RAB6A: variants seen among roughly 807,000 people sequenced by gnomAD.
The protein encoded by RAB6A is RAB6A, member RAS oncogene family, also known as ras-related protein Rab-6A.
A neutral mutation model predicts 32.3 loss-of-function variants in RAB6A; 8 were observed. That is an observed-to-expected ratio of 0.25 (90% CI 0.15 to 0.45). The LOEUF is 0.45. Among genes scored for constraint, RAB6A ranks in the 20% least tolerant of loss-of-function variants. The pLI is 1.00. For missense variants in RAB6A, 104 were observed against 249.4 expected (o/e 0.42, Z 3.93); for synonymous variants, 73 against 82.1 (o/e 0.89, Z 0.60).
At chr11:73,710,070 C>T (rs180954836) in intron 5 of RAB6A, among the ~76,000 whole-genome samples, 28 of 149,338 alleles carry the variant, frequency 1.9e-4, no homozygotes, top group African/African-American at 6.3e-4. Flanking sequence ...GCCATTCTCC[C>T]GCCTCAACCT....
intron 1 of RAB6A, among the ~76,000 whole-genome samples, chr11:73,733,425 T>C (rs1377306361): frequency 6.6e-6 from 1 of 151,914 alleles, no homozygotes; most frequent in Non-Finnish European, 1.5e-5. Context: ...GATGCGCGCC[T>C]GTAATCCCAG....
At chr11:73,716,886 C>G (rs897087884) in intron 4 of RAB6A, among the ~76,000 whole-genome samples, 1 of 152,198 alleles carries the variant, frequency 6.6e-6, no homozygotes, top group Admixed American at 6.5e-5. Flanking sequence ...TTTAATGCAT[C>G]AGAAACACTT....
intron 6 of RAB6A, among the ~76,000 whole-genome samples, chr11:73,698,865 T>TTTTTGAGA (rs1945697358): frequency 6.7e-6 from 1 of 150,280 alleles, no homozygotes. Flanking sequence ...TTTTTTTTTT[T>TTTTTGAGA]TTTTGAGATG....
chr11:73,730,957 C>A (rs1405042274), intron 1 of RAB6A, 134 bp from the exon 2 acceptor site: 2 of 625,016 alleles, frequency 3.2e-6, no homozygotes, highest in Non-Finnish European at 5.6e-6. Flanking sequence ...AATTAAAACC[C>A]ATATAGCCCC....
chr11:73,681,753 G>A (rs530812121), intron 6 of RAB6A, among the ~76,000 whole-genome samples: 9 of 152,278 alleles, frequency 5.9e-5, no homozygotes, highest in African/African-American at 2.2e-4. Flanking sequence ...AGGTTGCAGT[G>A]GACCAAGATC....
chr11:73,693,624 G>T (rs1945611796), intron 6 of RAB6A, among the ~76,000 whole-genome samples: 1 of 147,994 alleles, frequency 6.8e-6, no homozygotes, highest in African/African-American at 2.5e-5. Flanking sequence ...TGTGGCTTAT[G>T]CATATAATCC....
intron 5 of RAB6A, among the ~76,000 whole-genome samples, chr11:73,708,332 A>G (rs1945883554): frequency 6.6e-6 from 1 of 151,994 alleles, no homozygotes; most frequent in East Asian, 1.9e-4. Context: ...CCACACCTGA[A>G]TAATTTTTGT....
chr11:73,753,433 C>T (rs1223697920), intron 1 of RAB6A, among the ~76,000 whole-genome samples: 1 of 151,878 alleles, frequency 6.6e-6, no homozygotes, highest in African/African-American at 2.4e-5. Flanking sequence ...CAGACCTCGC[C>T]GGGCACAGTG....
At chr11:73,755,246 A>G (rs970498425) in intron 1 of RAB6A, among the ~76,000 whole-genome samples, 1 of 151,824 alleles carries the variant, frequency 6.6e-6, no homozygotes, top group East Asian at 2.0e-4. Flanking sequence ...ATTTTTTAAC[A>G]TATTAAATAT....
chr11:73,744,890 G>A (rs1045527532), intron 1 of RAB6A, among the ~76,000 whole-genome samples: 1 of 151,092 alleles, frequency 6.6e-6, no homozygotes, highest in African/African-American at 2.4e-5. Flanking sequence ...CAGGAGAATC[G>A]CTTGAACCCG....
intron 7 of RAB6A, among the ~76,000 whole-genome samples, chr11:73,679,069 A>C (rs1945314425): frequency 6.6e-6 from 1 of 152,160 alleles, no homozygotes; most frequent in Admixed American, 6.5e-5. Flanking sequence ...TACAAGTGGG[A>C]AGAGCTGAAT....
chr11:73,727,386 A>G (rs1946238491), intron 2 of RAB6A, among the ~76,000 whole-genome samples: 1 of 151,846 alleles, frequency 6.6e-6, no homozygotes, highest in Non-Finnish European at 1.5e-5. Flanking sequence ...TGATCATGCC[A>G]CTGCACTCCA....
chr11:73,721,499 G>C (rs967488787), intron 2 of RAB6A, among the ~76,000 whole-genome samples: 2 of 152,106 alleles, frequency 1.3e-5, no homozygotes, highest in Non-Finnish European at 2.9e-5. Flanking sequence ...CTATTGCCTG[G>C]CTGCTGTTTT....
chr11:73,706,538 C>G (rs1299559192), intron 6 of RAB6A, among the ~76,000 whole-genome samples: 1 of 151,520 alleles, frequency 6.6e-6, no homozygotes, highest in African/African-American at 2.4e-5. Flanking sequence ...ATTATTGGTC[C>G]ATAAATCTTA....
chr11:73,710,746 A>G (rs1399228387), intron 5 of RAB6A, among the ~76,000 whole-genome samples: 1 of 151,950 alleles, frequency 6.6e-6, no homozygotes, highest in African/African-American at 2.4e-5. Context: ...TGAAAAAAAA[A>G]AAGTTAATTT....
At chr11:73,690,796 G>A (rs990659973) in intron 6 of RAB6A, among the ~76,000 whole-genome samples, 1 of 151,230 alleles carries the variant, frequency 6.6e-6, no homozygotes, top group African/African-American at 2.4e-5. Flanking sequence ...TCCGGGTATG[G>A]GGGACAGGGA....
intron 2 of RAB6A, among the ~76,000 whole-genome samples, chr11:73,727,389 G>A (rs1190117827): frequency 1.3e-5 from 2 of 150,574 alleles, no homozygotes; most frequent in Non-Finnish European, 2.9e-5. Flanking sequence ...TCATGCCACT[G>A]CACTCCAGCC....
intron 1 of RAB6A, among the ~76,000 whole-genome samples, chr11:73,740,272 A>G (rs1295315058): frequency 6.6e-6 from 1 of 152,174 alleles, no homozygotes; most frequent in Non-Finnish European, 1.5e-5. Flanking sequence ...ATCATATGCT[A>G]TGATTGTAGT....
intron 2 of RAB6A, chr11:73,722,293 A>ATATGTGTGTGTG (rs1424469709): frequency 6.5e-5 from 6 of 92,754 alleles, no homozygotes; most frequent in African/African-American, 1.2e-4. Flanking sequence ...ATTCAAATAT[A>ATATGTGTGTGTG]TATGTGTGTG....
Sources: allele counts gnomAD v4.1 joint callset (sites outside exome capture counted in the v4.1 genomes callset), GRCh38; gene constraint gnomAD v4.1.1; transcripts MANE v1.5; gene names NCBI Gene and HGNC (gene_info 2026-07-23, HGNC 2026-07-21).